Variants in STXBP5L observed in about 807,000 individuals in gnomAD.
STXBP5L encodes the protein syntaxin binding protein 5L.
Under a neutral mutation model 144.5 loss-of-function variants are expected in STXBP5L, and 65 were observed. The observed-to-expected ratio is 0.45, with a 90% CI of 0.37 to 0.55. STXBP5L has a LOEUF of 0.55. Ranked by LOEUF, STXBP5L falls within the 20% of genes least tolerant of loss-of-function variation. The pLI is 0.00. For synonymous variants in STXBP5L, 505 were observed against 469.6 expected (o/e 1.08, Z -0.97); for missense variants, 1,298 against 1,405.5 (o/e 0.92, Z 1.22).
At chr3:121,141,221 C>T (rs547044002) in intron 7 of STXBP5L, among the ~76,000 whole-genome samples, 3 of 152,028 alleles carry the variant, frequency 2.0e-5, no homozygotes, top group African/African-American at 7.2e-5. Context: ...CTGACCAACA[C>T]GGAGAAACCC....
intron 5 of STXBP5L, among the ~76,000 whole-genome samples, chr3:121,088,009 A>C (rs879624682): frequency 6.6e-6 from 1 of 152,122 alleles, no homozygotes; most frequent in African/African-American, 2.4e-5. Context: ...TATATTATGA[A>C]CCACATCAGA....
chr3:120,917,883 C>T (rs560117105), intron 2 of STXBP5L, among the ~76,000 whole-genome samples: 1 of 152,172 alleles, frequency 6.6e-6, no homozygotes, highest in African/African-American at 2.4e-5. Flanking sequence ...TGTATTGCTG[C>T]TTCAATTACC....
intron 20 of STXBP5L, among the ~76,000 whole-genome samples, chr3:121,351,777 G>T (rs890893871): frequency 2.0e-5 from 3 of 152,066 alleles, no homozygotes; most frequent in South Asian, 4.1e-4. Context: ...GTCCTGAATG[G>T]TATTGCCTAG....
chr3:120,975,720 C>G (rs976033218), intron 3 of STXBP5L, among the ~76,000 whole-genome samples: 5 of 152,046 alleles, frequency 3.3e-5, no homozygotes, highest in African/African-American at 4.8e-5. Flanking sequence ...TACGTCCCAT[C>G]AATACCTAAT....
intron 4 of STXBP5L, among the ~76,000 whole-genome samples, chr3:121,043,108 G>A (rs1947273624): frequency 6.6e-6 from 1 of 151,860 alleles, no homozygotes; most frequent in South Asian, 2.1e-4. Context: ...ATAAAGACAA[G>A]CCTTCAACCT....
chr3:121,318,547 A>T lies in STXBP5L; in HGVS notation c.2176+7A>T. The T allele has an allele frequency of 2.0e-6, 3 of 1,536,862 alleles. No homozygotes were observed. Among genetic ancestry groups the T allele is most frequent in the Non-Finnish European group, 8.8e-7 (1 of 1,139,780 alleles). ...TGCAAGTCTCCTACCTCAGGTAAAC[A>T]TGAGTGGTATTTTGCAGACTTCTGG... On this transcript the variant is annotated splice_region_variant and intron_variant, in intron 20 of 26. Coordinates refer to ENST00000471454, the MANE Select transcript of STXBP5L (RefSeq NM_001308330.2).
intron 9 of STXBP5L, among the ~76,000 whole-genome samples, chr3:121,164,961 A>T (rs2046449369): frequency 6.6e-6 from 1 of 152,190 alleles, no homozygotes; most frequent in Admixed American, 6.5e-5. Flanking sequence ...TTGAAATCTA[A>T]TCCACAGCAT....
chr3:120,994,788 C>T (rs184708088), intron 3 of STXBP5L, among the ~76,000 whole-genome samples: 4 of 151,752 alleles, frequency 2.6e-5, no homozygotes, highest in East Asian at 3.9e-4. Context: ...GTATTTCTGG[C>T]CTTATACATT....
At chr3:121,237,805 A>T (rs913352408) in intron 12 of STXBP5L, among the ~76,000 whole-genome samples, 2 of 152,186 alleles carry the variant, frequency 1.3e-5, no homozygotes, top group African/African-American at 4.8e-5. Flanking sequence ...TTAGCCTTCC[A>T]TAATGCAGCC....
At chr3:121,165,755 G>T (rs1027049976) in intron 9 of STXBP5L, among the ~76,000 whole-genome samples, 1 of 152,030 alleles carries the variant, frequency 6.6e-6, no homozygotes, top group Admixed American at 6.6e-5. Flanking sequence ...AAGAGGTCAG[G>T]CTCCTCCCCA....
At chr3:121,128,831 C>T (rs1275505478) in intron 7 of STXBP5L, among the ~76,000 whole-genome samples, 1 of 151,968 alleles carries the variant, frequency 6.6e-6, no homozygotes, top group African/African-American at 2.4e-5. Flanking sequence ...AATATCTCAT[C>T]AGGTTTTCAA....
intron 5 of STXBP5L, among the ~76,000 whole-genome samples, chr3:121,108,180 T>C (rs2043806138): frequency 6.6e-6 from 1 of 152,216 alleles, no homozygotes; most frequent in Non-Finnish European, 1.5e-5. Context: ...TGACTTCCTC[T>C]CTTCCTATTT....
intron 3 of STXBP5L, among the ~76,000 whole-genome samples, chr3:120,966,245 A>C (rs1160102866): frequency 2.0e-5 from 3 of 152,142 alleles, no homozygotes; most frequent in African/African-American, 7.2e-5. Context: ...AGCTCGGAGA[A>C]GTTTGTTATT....
At chr3:121,369,299 G>A (rs1021916248) in intron 20 of STXBP5L, among the ~76,000 whole-genome samples, 1 of 149,818 alleles carries the variant, frequency 6.7e-6, no homozygotes, top group East Asian at 1.9e-4. Flanking sequence ...TATCTAGAGT[G>A]TTCTGGTGCT....
At chr3:121,343,895 C>T (rs2044836711) in intron 20 of STXBP5L, among the ~76,000 whole-genome samples, 1 of 152,086 alleles carries the variant, frequency 6.6e-6, no homozygotes, top group African/African-American at 2.4e-5. Flanking sequence ...TTGGAAAAAA[C>T]TACTTTAAAG....
intron 19 of STXBP5L, among the ~76,000 whole-genome samples, chr3:121,283,980 G>T (rs1035265105): frequency 3.3e-5 from 5 of 151,230 alleles, no homozygotes; most frequent in Non-Finnish European, 5.9e-5. Flanking sequence ...GACTTCTTTT[G>T]GCTTTACAGT....
intron 9 of STXBP5L, among the ~76,000 whole-genome samples, chr3:121,176,501 A>AG (rs1441982475): frequency 6.6e-6 from 1 of 151,434 alleles, no homozygotes; most frequent in Non-Finnish European, 1.5e-5. Flanking sequence ...AAAAAAAAAA[A>AG]AAAAAAAGGT....
chr3:121,249,535 T>C (rs1034350982), intron 14 of STXBP5L, among the ~76,000 whole-genome samples: 1 of 152,204 alleles, frequency 6.6e-6, no homozygotes, highest in African/African-American at 2.4e-5. Context: ...TTTTTGTATA[T>C]TGATATTGTG....
At chr3:121,029,656 G>A (rs1039051653) in intron 3 of STXBP5L, among the ~76,000 whole-genome samples, 1 of 152,042 alleles carries the variant, frequency 6.6e-6, no homozygotes, top group East Asian at 1.9e-4. Context: ...AAAAGCAATG[G>A]CAACAAAAGG....
Sources: gnomAD v4.1 joint callset for allele counts (sites outside exome capture counted in the v4.1 genomes callset) on GRCh38, gnomAD v4.1.1 for gene constraint, MANE v1.5 for transcripts, NCBI Gene and HGNC (gene_info 2026-07-23, HGNC 2026-07-21) for gene names.